Variants in KHDRBS2 observed in about 807,000 individuals in gnomAD.
The protein encoded by KHDRBS2 is KH RNA binding domain containing, signal transduction associated 2, also known as KH domain-containing, RNA-binding, signal transduction-associated protein 2.
Under a neutral mutation model 44.3 loss-of-function variants are expected in KHDRBS2, and 26 were observed. The observed-to-expected ratio is 0.59, with a 90% CI of 0.43 to 0.81. KHDRBS2 has a LOEUF of 0.81. Ranked by LOEUF, KHDRBS2 falls within the 40% of genes least tolerant of loss-of-function variation. The pLI, the probability that KHDRBS2 is intolerant of heterozygous loss-of-function variation, is 0.00. For synonymous variants in KHDRBS2, 194 were observed against 151.1 expected, an observed-to-expected ratio of 1.28 and a Z score of -2.08; for missense variants, 476 against 433.1, an observed-to-expected ratio of 1.10 and a Z score of -0.88.
chr6:62,008,736 C>A (rs1454002588), intron 3 of KHDRBS2, among the ~76,000 whole-genome samples: 1 of 152,160 alleles, frequency 6.6e-6, no homozygotes, highest in Non-Finnish European at 1.5e-5. Flanking sequence ...ATGGGCCTCA[C>A]AAGATCTGGT....
intron 1 of KHDRBS2, among the ~76,000 whole-genome samples, chr6:62,185,940 CT>C (rs1823329503): frequency 6.6e-6 from 1 of 151,964 alleles, no homozygotes; most frequent in South Asian, 2.1e-4. Flanking sequence ...AGACCACAAC[CT>C]AACACAGTGG....
intron 2 of KHDRBS2, among the ~76,000 whole-genome samples, chr6:62,105,762 T>G (rs1187862867): frequency 1.3e-5 from 2 of 152,136 alleles, no homozygotes; most frequent in African/African-American, 2.4e-5. Context: ...AAGGGTTTTT[T>G]GTGTCTCTAT....
At chr6:61,888,292 C>T (rs1317660826) in intron 6 of KHDRBS2, among the ~76,000 whole-genome samples, 1 of 152,076 alleles carries the variant, frequency 6.6e-6, no homozygotes, top group Non-Finnish European at 1.5e-5. Flanking sequence ...TAGAGGTGAC[C>T]GATTAGTGCT....
the KHDRBS2 span, among the ~76,000 whole-genome samples, chr6:61,610,645 G>A: frequency 6.6e-6 from 1 of 152,198 alleles, no homozygotes; most frequent in African/African-American, 2.4e-5. Flanking sequence ...TCATGACACA[G>A]TAGTTGTCTC....
At chr6:62,071,916 A>G (rs1473428106) in intron 2 of KHDRBS2, among the ~76,000 whole-genome samples, 2 of 152,024 alleles carry the variant, frequency 1.3e-5, no homozygotes, top group African/African-American at 2.4e-5. Context: ...CATTGAATCT[A>G]TAAATTACCT....
intron 1 of KHDRBS2, among the ~76,000 whole-genome samples, chr6:62,214,242 G>T (rs1445986651): frequency 6.6e-6 from 1 of 151,938 alleles, no homozygotes; most frequent in Non-Finnish European, 1.5e-5. Flanking sequence ...TTCAACCACA[G>T]TATAGACATT....
intron 1 of KHDRBS2, among the ~76,000 whole-genome samples, chr6:62,263,632 T>C (rs1444256203): frequency 6.6e-6 from 1 of 151,750 alleles, no homozygotes; most frequent in African/African-American, 2.4e-5. Flanking sequence ...AATCTGAGCA[T>C]CTCTTCACAA....
the KHDRBS2 span, among the ~76,000 whole-genome samples, chr6:61,662,643 G>GA: frequency 1.3e-5 from 2 of 151,954 alleles, no homozygotes; most frequent in Non-Finnish European, 2.9e-5. Flanking sequence ...AAAAACACAT[G>GA]AAAAAATGCT....
At chr6:62,111,923 A>G (rs1030734564) in intron 2 of KHDRBS2, among the ~76,000 whole-genome samples, 5 of 152,040 alleles carry the variant, frequency 3.3e-5, no homozygotes, top group Non-Finnish European at 7.4e-5. Flanking sequence ...CTGGGCCCCA[A>G]TCATGAAGTT....
the KHDRBS2 span, among the ~76,000 whole-genome samples, chr6:61,616,976 T>C: frequency 6.6e-6 from 1 of 152,194 alleles, no homozygotes; most frequent in Non-Finnish European, 1.5e-5. Context: ...GTACTTTTTT[T>C]TTCTGTATTC....
At chr6:61,567,581 C>A in the KHDRBS2 span, among the ~76,000 whole-genome samples, 1 of 152,162 alleles carries the variant, frequency 6.6e-6, no homozygotes, top group Non-Finnish European at 1.5e-5. Context: ...TTTGCGCCTG[C>A]AATGAGAGGT....
At chr6:61,556,068 T>C in the KHDRBS2 span, among the ~76,000 whole-genome samples, 1 of 152,202 alleles carries the variant, frequency 6.6e-6, no homozygotes, top group Non-Finnish European at 1.5e-5. Flanking sequence ...GGCCTAGGGC[T>C]GCCTGCATCC....
At chr6:61,764,788 C>G (rs987148357) in intron 6 of KHDRBS2, among the ~76,000 whole-genome samples, 1 of 151,352 alleles carries the variant, frequency 6.6e-6, no homozygotes, top group African/African-American at 2.4e-5. Context: ...AGACCTTTGA[C>G]AGATAGATAG....
intron 1 of KHDRBS2, among the ~76,000 whole-genome samples, chr6:62,215,332 G>A (rs1338647210): frequency 1.3e-5 from 2 of 151,828 alleles, no homozygotes; most frequent in African/African-American, 2.4e-5. Context: ...AAGGTGCAGA[G>A]CAAAATACAC....
chr6:62,262,643 T>C (rs1201780243), intron 1 of KHDRBS2, among the ~76,000 whole-genome samples: 4 of 151,782 alleles, frequency 2.6e-5, no homozygotes, highest in Admixed American at 2.0e-4. Flanking sequence ...GAAATTCTGA[T>C]AAATTTTTTT....
At chr6:62,102,859 T>C (rs1802217816) in intron 2 of KHDRBS2, among the ~76,000 whole-genome samples, 1 of 152,176 alleles carries the variant, frequency 6.6e-6, no homozygotes, top group Admixed American at 6.5e-5. Context: ...TCACAATGTT[T>C]GGTGGGTCCC....
chr6:61,784,092 G>A (rs1783429806), intron 6 of KHDRBS2, among the ~76,000 whole-genome samples: 1 of 151,736 alleles, frequency 6.6e-6, no homozygotes, highest in Admixed American at 6.6e-5. Flanking sequence ...AGGCTTCCCA[G>A]CTAGAAATAT....
chr6:62,271,184 T>A (rs1257031113), intron 1 of KHDRBS2, among the ~76,000 whole-genome samples: 1 of 152,144 alleles, frequency 6.6e-6, no homozygotes, highest in East Asian at 1.9e-4. Context: ...TGTGTATGTG[T>A]ATATATAGTC....
At chr6:61,640,859 C>G in the KHDRBS2 span, among the ~76,000 whole-genome samples, 9 of 152,134 alleles carry the variant, frequency 5.9e-5, no homozygotes, top group Admixed American at 4.6e-4. Flanking sequence ...AGATGGCATT[C>G]AAAGGCAGAA....
Sources: allele counts gnomAD v4.1 joint callset (sites outside exome capture counted in the v4.1 genomes callset), GRCh38; gene constraint gnomAD v4.1.1; transcripts MANE v1.5; gene names NCBI Gene and HGNC (gene_info 2026-07-23, HGNC 2026-07-21).